The following KLHL1 variants were observed in gnomAD, a reference collection of about 807,000 sequenced individuals.
KLHL1 encodes kelch-like protein 1.
In KLHL1, 47 loss-of-function variants were observed where a neutral mutation model predicts 77.7. The observed-to-expected ratio is 0.60, with a 90% CI of 0.48 to 0.77. The LOEUF (loss-of-function observed/expected upper bound fraction) is 0.77, where lower values mean the gene tolerates loss of function less well. Ranked by LOEUF, KLHL1 falls within the 30% of genes least tolerant of loss-of-function variation. KLHL1 has a pLI of 0.00. For synonymous variants in KLHL1, 360 were observed against 325.2 expected, an observed-to-expected ratio of 1.11 and a Z score of -1.15; for missense variants, 925 against 910.8, an observed-to-expected ratio of 1.02 and a Z score of -0.20.
intron 1 of KLHL1, among the ~76,000 whole-genome samples, chr13:70,056,304 A>G (rs1329710600): frequency 6.6e-6 from 1 of 152,132 alleles, no homozygotes; most frequent in Non-Finnish European, 1.5e-5. Context: ...TTGTAAATAT[A>G]TATGCACTGA....
intron 1 of KLHL1, among the ~76,000 whole-genome samples, chr13:70,105,516 T>C (rs1159682293): frequency 1.3e-5 from 2 of 151,462 alleles, no homozygotes; most frequent in Non-Finnish European, 3.0e-5. Context: ...AATGTTTAAA[T>C]TTCTTCCTGA....
intron 4 of KLHL1, among the ~76,000 whole-genome samples, chr13:69,920,773 TAAGAG>T (rs766602648): frequency 1.3e-5 from 2 of 151,846 alleles, no homozygotes; most frequent in Non-Finnish European, 2.9e-5. Context: ...TTAAGAAAAA[TAAGAG>T]AAGGTCAGCA....
At chr13:69,790,698 AC>A (rs776065484) in intron 7 of KLHL1, among the ~76,000 whole-genome samples, 1 of 152,192 alleles carries the variant, frequency 6.6e-6, no homozygotes, top group Non-Finnish European at 1.5e-5. Flanking sequence ...GACAAAAATC[AC>A]ATGCATATTT....
chr13:70,060,405 C>A (rs1886850796), intron 1 of KLHL1, among the ~76,000 whole-genome samples: 1 of 152,114 alleles, frequency 6.6e-6, no homozygotes, highest in Non-Finnish European at 1.5e-5. Context: ...CTAGCAATCC[C>A]ACTGCCAGAT....
At chr13:70,005,039 T>C (rs1352811597) in intron 1 of KLHL1, among the ~76,000 whole-genome samples, 6 of 151,804 alleles carry the variant, frequency 4.0e-5, no homozygotes, top group African/African-American at 4.8e-5. Context: ...GGATTTTATG[T>C]TTTTAGAATA....
At chr13:70,035,435 G>A (rs935356325) in intron 1 of KLHL1, among the ~76,000 whole-genome samples, 1 of 151,980 alleles carries the variant, frequency 6.6e-6, no homozygotes, top group Non-Finnish European at 1.5e-5. Flanking sequence ...CAGAGCCTGG[G>A]AAGGAGTAGT....
At chr13:70,068,898 C>G (rs562689279) in intron 1 of KLHL1, among the ~76,000 whole-genome samples, 7 of 152,190 alleles carry the variant, frequency 4.6e-5, no homozygotes, top group East Asian at 1.9e-4. Flanking sequence ...CCTCCAGGAG[C>G]CCTACAAGGT....
chr13:69,786,147 A>T (rs1406507599), intron 7 of KLHL1, among the ~76,000 whole-genome samples: 6 of 152,292 alleles, frequency 3.9e-5, no homozygotes, highest in African/African-American at 1.4e-4. Context: ...ATCCTCCCTA[A>T]CTCATTGTAT....
chr13:69,837,883 A>T (rs1453327065), intron 6 of KLHL1, among the ~76,000 whole-genome samples: 1 of 151,440 alleles, frequency 6.6e-6, no homozygotes, highest in Non-Finnish European at 1.5e-5. Context: ...ATTGTCTTTT[A>T]TGAGTGCCTA....
intron 1 of KLHL1, among the ~76,000 whole-genome samples, chr13:70,073,597 G>A (rs1218699035): frequency 1.3e-5 from 2 of 151,858 alleles, no homozygotes. Flanking sequence ...CCATCACAGT[G>A]AGACCTTGTC....
chr13:70,062,022 C>T (rs1280775080), intron 1 of KLHL1, among the ~76,000 whole-genome samples: 2 of 152,154 alleles, frequency 1.3e-5, no homozygotes, highest in Non-Finnish European at 2.9e-5. Flanking sequence ...CCCTGCAGTG[C>T]TGAAGAACAC....
At chr13:69,983,272 T>A (rs1459351675) in intron 1 of KLHL1, among the ~76,000 whole-genome samples, 2 of 152,150 alleles carry the variant, frequency 1.3e-5, no homozygotes, top group Non-Finnish European at 2.9e-5. Flanking sequence ...TCATACCACC[T>A]ACAGTGATCT....
At chr13:70,076,057 C>A (rs1227900023) in intron 1 of KLHL1, among the ~76,000 whole-genome samples, 1 of 151,670 alleles carries the variant, frequency 6.6e-6, no homozygotes, top group Non-Finnish European at 1.5e-5. Context: ...TGCGAGTTCT[C>A]CCAAACTTGA....
intron 7 of KLHL1, among the ~76,000 whole-genome samples, chr13:69,785,527 T>A (rs1487642935): frequency 6.6e-6 from 1 of 151,962 alleles, no homozygotes; most frequent in Non-Finnish European, 1.5e-5. Context: ...GAGGGAAATT[T>A]ATAGCACTAA....
At chr13:69,804,080 A>G (rs1877507923) in intron 6 of KLHL1, among the ~76,000 whole-genome samples, 1 of 152,134 alleles carries the variant, frequency 6.6e-6, no homozygotes, top group Non-Finnish European at 1.5e-5. Context: ...GTTCTTTCAA[A>G]TGTGCATTTT....
intron 4 of KLHL1, among the ~76,000 whole-genome samples, chr13:69,916,596 G>T (rs530814704): frequency 2.0e-5 from 3 of 151,944 alleles, no homozygotes; most frequent in Non-Finnish European, 4.4e-5. Context: ...GTTGTGGAGT[G>T]GGGGGAAGGG....
At chr13:69,862,907 T>C (rs12872359) in intron 5 of KLHL1, among the ~76,000 whole-genome samples, 48,409 of 151,882 alleles carry the variant, frequency 0.32, 8,224 homozygotes, top group African/African-American at 0.45. Flanking sequence ...TTTCTGATGT[T>C]TAAGCCACCC....
chr13:69,826,872 T>G (rs1348721134), intron 6 of KLHL1, among the ~76,000 whole-genome samples: 1 of 151,512 alleles, frequency 6.6e-6, no homozygotes, highest in Non-Finnish European at 1.5e-5. Context: ...GATTTTTATT[T>G]TAATAAGAAT....
rs138222707 is a variant in KLHL1, at chr13:69,887,107, G to A, written c.1015-4612C>T. Among the ~76,000 whole-genome samples the A allele has an allele frequency of 6.6e-3, 1,010 of 152,208 alleles. 12 individuals are homozygous for A. Among genetic ancestry groups the A allele is most frequent in the African/African-American group, 0.023 (974 of 41,524 alleles). On this transcript the variant is annotated intron_variant, in intron 4 of 10. Coordinates refer to ENST00000377844, the MANE Select transcript of KLHL1 (RefSeq NM_020866.3). ...ATAATCTTTGGGTCTAATGTTTTGG[G>A]TCTAAGATTTTAAAATTTCTAATTC... is the stretch of plus-strand genomic sequence containing the variant.
Sources: gnomAD v4.1 joint callset for allele counts (sites outside exome capture counted in the v4.1 genomes callset) on GRCh38, gnomAD v4.1.1 for gene constraint, MANE v1.5 for transcripts, NCBI Gene and HGNC (gene_info 2026-07-23, HGNC 2026-07-21) for gene names.